Variants in ITGA1 observed in about 807,000 individuals in gnomAD.
The protein encoded by ITGA1 is integrin alpha-1.
In ITGA1, 85 loss-of-function variants were observed where a neutral mutation model predicts 145.9. The ratio of observed to expected loss-of-function variants is 0.58; its 90% CI spans 0.49 to 0.70. ITGA1 has a LOEUF of 0.70. Ranked by LOEUF, ITGA1 falls within the 30% of genes least tolerant of loss-of-function variation. ITGA1 has a pLI of 0.00. For synonymous variants in ITGA1, 520 were observed against 495.3 expected (o/e 1.05, Z -0.66); for missense variants, 1,351 against 1,418.7 (o/e 0.95, Z 0.77).
intron 1 of ITGA1, among the ~76,000 whole-genome samples, chr5:52,835,179 A>G (rs989615480): frequency 6.6e-6 from 1 of 152,148 alleles, no homozygotes; most frequent in Non-Finnish European, 1.5e-5. Context: ...CTAATGAAAA[A>G]AACGGATATT....
chr5:52,928,828 G>A (rs1039797232), intron 20 of ITGA1, among the ~76,000 whole-genome samples: 6 of 152,192 alleles, frequency 3.9e-5, no homozygotes, highest in African/African-American at 1.2e-4. Context: ...TCATTTCAAA[G>A]TTATTTTCCT....
At chr5:52,893,934 CTTTTT>C in intron 9 of ITGA1, 94 bp downstream of exon 9, 2 of 681,224 alleles carry the variant, frequency 2.9e-6, no homozygotes, top group African/African-American at 1.9e-5. Flanking sequence ...ATCAGTAATA[CTTTTT>C]TTTTTTTTTT....
chr5:52,906,518 T>C (rs1196868595), intron 12 of ITGA1, among the ~76,000 whole-genome samples: 1 of 152,238 alleles, frequency 6.6e-6, no homozygotes, highest in Non-Finnish European at 1.5e-5. Context: ...CATATGTATA[T>C]ATAAAAACTG....
At chr5:52,926,893 A>C (rs567778378) in intron 19 of ITGA1, among the ~76,000 whole-genome samples, 5 of 152,318 alleles carry the variant, frequency 3.3e-5, no homozygotes, top group African/African-American at 9.6e-5. Flanking sequence ...TTCTTTTGTA[A>C]GTAGGTATGA....
At chr5:52,839,254 A>G (rs1375568538) in intron 1 of ITGA1, among the ~76,000 whole-genome samples, 1 of 152,202 alleles carries the variant, frequency 6.6e-6, no homozygotes, top group Non-Finnish European at 1.5e-5. Context: ...TTTCTAAAAA[A>G]CTTTTTACTT....
chr5:52,808,676 C>CTTTTTTTTTTTTT (rs60113844), intron 1 of ITGA1, among the ~76,000 whole-genome samples: 130 of 69,326 alleles, frequency 1.9e-3, no homozygotes, highest in East Asian at 2.6e-3. Context: ...TTCTTTCTTT[C>CTTTTTTTTTTTTT]TTTTTTTTTT....
In ITGA1 at chr5:52,893,732, A is replaced by C. The variant is rs150009527; in HGVS notation, c.982A>C (p.Lys328Gln). ...LSTEKFVEEI[K>Q]SIASEPTEKH... ...CACTGAAAAATTTGTGGAGGAAATA[A>C]AATCAATTGCAAGTGAACCCACTGA... Residue 328 changes from lysine (K) to glutamine (Q), a missense_variant, in exon 9 of 29, where the codon AAA (lysine) becomes CAA (glutamine). Physicochemically the swap from Lys to Gln is moderately conservative, Grantham distance 53. Coordinates refer to ENST00000282588, the MANE Select transcript of ITGA1 (RefSeq NM_181501.2). 3,098 of 1,613,174 alleles carry C rather than the reference A, an allele frequency of 1.9e-3. 47 individuals carry two copies. The highest frequency in any genetic ancestry group is 0.015 in the South Asian group (1,338 of 91,006).
chr5:52,857,445 A>C (rs1314592791), intron 2 of ITGA1, among the ~76,000 whole-genome samples: 1 of 151,976 alleles, frequency 6.6e-6, no homozygotes, highest in Non-Finnish European at 1.5e-5. Context: ...GACACATCTC[A>C]AGCCCTTAAT....
Position 52,800,678 on chromosome 5 carries a change from A to G in ITGA1, c.61+12264A>G, listed in dbSNP as rs747488089. 1.2e-5 allele frequency: 19 copies of G among 1,614,066 alleles called. No individual in the cohort carries two copies. In the South Asian group the frequency reaches 1.6e-4, roughly 14 times the overall value. ...AACATCCAAGAGAATGAGTATGTCA[A>G]GATGGGGGCTTACCACACCATCGAG... On this transcript the variant is annotated intron_variant, in intron 1 of 28. Transcript: ENST00000282588.
rs376308459 is a variant in ITGA1, at chr5:52,856,643, C to G, written c.183-4804C>G. Among the ~76,000 whole-genome samples the G allele has an allele frequency of 1.3e-3, 194 of 151,378 alleles. 2 individuals carry two copies. The South Asian group carries it at 0.017, about 13-fold the overall frequency. On this transcript the variant is annotated intron_variant, in intron 2 of 28. Coordinates refer to ENST00000282588, the MANE Select transcript of ITGA1 (RefSeq NM_181501.2). ...TACCTCCTCTGTAAATCTCACTAGACAACTGCAGCTATTATTTTCCAAAGA... is the reference window on the plus strand; with the variant it reads ...TACCTCCTCTGTAAATCTCACTAGAGAACTGCAGCTATTATTTTCCAAAGA...
intron 6 of ITGA1, chr5:52,866,945 T>G (rs1425932596): frequency 2.0e-5 from 3 of 151,822 alleles, no homozygotes; most frequent in African/African-American, 7.3e-5. Flanking sequence ...AAGATTGTTG[T>G]GTGGTTTGGA....
chr5:52,859,796 A>C (rs2111768674), intron 2 of ITGA1, among the ~76,000 whole-genome samples: 1 of 152,296 alleles, frequency 6.6e-6, no homozygotes, highest in South Asian at 2.1e-4. Context: ...TCCTAAATAC[A>C]TTCCATTGTG....
At chr5:52,893,578 G>A (rs2111824213) in intron 8 of ITGA1, 97 bp from the exon 9 acceptor site, 1 of 1,052,238 alleles carries the variant, frequency 9.5e-7, no homozygotes. Flanking sequence ...ATTATGCTAA[G>A]GTACTCTACA....
chr5:52,934,955 G>A (rs1750945132), intron 23 of ITGA1, among the ~76,000 whole-genome samples: 1 of 151,764 alleles, frequency 6.6e-6, no homozygotes, highest in Non-Finnish European at 1.5e-5. Context: ...TGGATTCTAG[G>A]ACAGATTTTT....
At position 52,952,494 on chromosome 5, in the gene ITGA1, A is replaced by G. The variant is rs1323515252; in HGVS notation, c.*43A>G. ...AATAATAACAATTATTCAATAATCT[A>G]TCCTCAGGTTTGCCTCAAATATGTG... is the stretch of plus-strand genomic sequence containing the variant. On this transcript the variant is annotated 3_prime_UTR_variant, in exon 29 of 29. Coordinates refer to ENST00000282588, the MANE Select transcript of ITGA1 (RefSeq NM_181501.2). The G allele has an allele frequency of 3.2e-6, 3 of 948,010 alleles. No homozygotes were observed. Among genetic ancestry groups the G allele is most frequent in the Non-Finnish European group, 4.7e-6 (3 of 636,544 alleles). The allele number at this position is 948,010 out of a possible 1,614,324, so 58.7% of individuals were successfully genotyped here.
intron 12 of ITGA1, among the ~76,000 whole-genome samples, chr5:52,906,855 GGGA>G (rs1750416403): frequency 6.6e-6 from 1 of 152,146 alleles, no homozygotes; most frequent in Non-Finnish European, 1.5e-5. Context: ...CTCAGGTGCA[GGGA>G]TACTCACATT....
intron 2 of ITGA1, among the ~76,000 whole-genome samples, chr5:52,859,921 A>G (rs1021828536): frequency 6.6e-6 from 1 of 152,212 alleles, no homozygotes; most frequent in Non-Finnish European, 1.5e-5. Context: ...CTAAAGTCAC[A>G]TTAGCATTTT....
intron 14 of ITGA1, among the ~76,000 whole-genome samples, chr5:52,912,345 A>G (rs914400610): frequency 2.1e-5 from 3 of 145,266 alleles, no homozygotes; most frequent in African/African-American, 7.5e-5. Context: ...TGTATCCAGT[A>G]TATGTATTAT....
chr5:52,923,678 G>A (rs1750763610), intron 18 of ITGA1, among the ~76,000 whole-genome samples: 1 of 152,122 alleles, frequency 6.6e-6, no homozygotes. Flanking sequence ...ATTTCCTATT[G>A]TTGGAGTTTA....
Sources: gnomAD v4.1 joint callset for allele counts (sites outside exome capture counted in the v4.1 genomes callset) on GRCh38, gnomAD v4.1.1 for gene constraint, MANE v1.5 for transcripts, NCBI Gene and HGNC (gene_info 2026-07-23, HGNC 2026-07-21) for gene names.